Variants in SLC24A2 observed in about 807,000 individuals in gnomAD.
The protein encoded by SLC24A2 is sodium/potassium/calcium exchanger 2.
A neutral mutation model predicts 62.0 loss-of-function variants in SLC24A2; 36 were observed. The observed-to-expected ratio is 0.58, with a 90% CI of 0.44 to 0.77. The LOEUF (loss-of-function observed/expected upper bound fraction) is 0.77. Among genes scored for constraint, SLC24A2 ranks in the 30% least tolerant of loss-of-function variants. The pLI is 0.00. For missense variants in SLC24A2, 846 were observed against 817.9 expected (o/e 1.03, Z -0.42); for synonymous variants, 358 against 294.0 (o/e 1.22, Z -2.23).
the SLC24A2 span, among the ~76,000 whole-genome samples, chr9:19,868,127 T>C: frequency 1.7e-3 from 256 of 152,158 alleles, 4 homozygotes; most frequent in African/African-American, 5.9e-3. Flanking sequence ...CTTAAAACAG[T>C]AACTTCTCTC....
At chr9:19,553,431 CT>C (rs896112355) in intron 7 of SLC24A2, among the ~76,000 whole-genome samples, 2 of 152,114 alleles carry the variant, frequency 1.3e-5, no homozygotes, top group African/African-American at 4.8e-5. Flanking sequence ...ATTCAAATGG[CT>C]TTTGATATGA....
chr9:19,748,633 T>C (rs1821899435), intron 2 of SLC24A2, among the ~76,000 whole-genome samples: 1 of 152,112 alleles, frequency 6.6e-6, no homozygotes, highest in Non-Finnish European at 1.5e-5. Context: ...TCCCTTCATC[T>C]AGGCAGCCTA....
chr9:19,585,109 T>C (rs1242865075), intron 5 of SLC24A2, among the ~76,000 whole-genome samples: 4 of 152,188 alleles, frequency 2.6e-5, no homozygotes, highest in Non-Finnish European at 5.9e-5. Flanking sequence ...AATTTCCTTA[T>C]TAAGAACTTT....
chr9:19,905,454 G>A, the SLC24A2 span, among the ~76,000 whole-genome samples: 16 of 150,650 alleles, frequency 1.1e-4, no homozygotes, highest in African/African-American at 3.9e-4. Context: ...TGTTGCCTAG[G>A]CTGGAGTGCA....
At chr9:19,981,453 A>G in the SLC24A2 span, among the ~76,000 whole-genome samples, 18 of 152,322 alleles carry the variant, frequency 1.2e-4, no homozygotes, top group South Asian at 1.7e-3. Context: ...ACAATGGTCA[A>G]TTCTGTGTGT....
At chr9:20,292,982 C>A in the SLC24A2 span, among the ~76,000 whole-genome samples, 1 of 152,206 alleles carries the variant, frequency 6.6e-6, no homozygotes, top group Non-Finnish European at 1.5e-5. Context: ...ACCTTCCTTG[C>A]CTCTTCCCAG....
chr9:19,824,110 G>A, the SLC24A2 span, among the ~76,000 whole-genome samples: 4 of 152,106 alleles, frequency 2.6e-5, no homozygotes, highest in African/African-American at 7.2e-5. Context: ...ACATAGGCAC[G>A]GACAAGGACT....
At chr9:19,885,979 C>T in the SLC24A2 span, among the ~76,000 whole-genome samples, 1 of 152,112 alleles carries the variant, frequency 6.6e-6, no homozygotes, top group African/African-American at 2.4e-5. Context: ...GTACCACATT[C>T]TCTTCAGCCA....
the SLC24A2 span, among the ~76,000 whole-genome samples, chr9:19,805,760 CT>C: frequency 1.3e-3 from 177 of 140,308 alleles, no homozygotes; most frequent in South Asian, 3.8e-3. Context: ...GAGCTTGATA[CT>C]TTTTTTTTTT....
the SLC24A2 span, among the ~76,000 whole-genome samples, chr9:20,266,553 G>T: frequency 1.4e-4 from 21 of 149,644 alleles, no homozygotes; most frequent in Admixed American, 3.3e-4. Flanking sequence ...TTTTTTTTTT[G>T]GCACATCTGC....
the SLC24A2 span, among the ~76,000 whole-genome samples, chr9:20,017,421 TA>T: frequency 2.6e-5 from 4 of 152,198 alleles, no homozygotes; most frequent in Admixed American, 6.5e-5. Flanking sequence ...CATATATTAT[TA>T]AGTTTAACAA....
chr9:19,950,034 A>G, the SLC24A2 span, among the ~76,000 whole-genome samples: 4 of 152,190 alleles, frequency 2.6e-5, no homozygotes, highest in Non-Finnish European at 5.9e-5. Context: ...GACAATTCAT[A>G]TGCACATTGG....
the SLC24A2 span, among the ~76,000 whole-genome samples, chr9:20,290,281 G>A: frequency 7.2e-5 from 11 of 152,348 alleles, no homozygotes; most frequent in East Asian, 1.4e-3. Flanking sequence ...TCTGACAGGC[G>A]TGTTAAATGT....
In SLC24A2 at chr9:19,508,009, A is replaced by T. The variant is rs1250820697; in HGVS notation, c.*8144T>A. ...ACAACATTTTCTTTGTTTTAACCGT[A>T]TCTGAAGAACAAAAGTATAATTTCT... is the stretch of plus-strand genomic sequence containing the variant. On this transcript the variant is annotated 3_prime_UTR_variant, in exon 11 of 11. Coordinates refer to ENST00000341998, the MANE Select transcript of SLC24A2 (RefSeq NM_020344.4). 6.6e-6 allele frequency: 1 copy of T among 152,224 alleles called. No individual in the cohort carries two copies. The highest frequency in any genetic ancestry group is 2.4e-5 in the African/African-American group (1 of 41,476). The allele number at this position is 152,224 out of a possible 1,614,324, so 9.4% of individuals were successfully genotyped here.
chr9:19,686,528 C>T lies in SLC24A2; in HGVS notation c.931-64229G>A, dbSNP rs187095211. On this transcript the variant is annotated intron_variant, in intron 2 of 10. Coordinates refer to ENST00000341998, the MANE Select transcript of SLC24A2 (RefSeq NM_020344.4). ...TAGTTTCCATAATCTCCACGTCTTG[C>T]GGGAGGGAGCCCATGGGAGGTAATT... 1.2e-4 allele frequency among the ~76,000 whole-genome samples: 19 copies of T among 152,198 alleles called. 1 individual carries two copies. In the East Asian group the frequency reaches 2.7e-3, roughly 22 times the overall value.
chr9:19,872,404 C>T, the SLC24A2 span, among the ~76,000 whole-genome samples: 4 of 152,194 alleles, frequency 2.6e-5, no homozygotes, highest in East Asian at 3.9e-4. Context: ...CAGGTGCCAG[C>T]ACACAGATAC....
chr9:20,083,617 C>G, the SLC24A2 span, among the ~76,000 whole-genome samples: 12 of 152,316 alleles, frequency 7.9e-5, no homozygotes, highest in African/African-American at 2.6e-4. Context: ...TTTTAAATAC[C>G]ATTTAGTAGC....
chr9:20,019,973 C>T, the SLC24A2 span, among the ~76,000 whole-genome samples: 144 of 151,874 alleles, frequency 9.5e-4, no homozygotes, highest in African/African-American at 3.4e-3. Context: ...TGGAAAGAGG[C>T]TCATCATCAC....
chr9:20,001,245 A>G, the SLC24A2 span, among the ~76,000 whole-genome samples: 1 of 152,174 alleles, frequency 6.6e-6, no homozygotes, highest in Non-Finnish European at 1.5e-5. Context: ...GGGAGTGTGC[A>G]TCCACCTTCC....
Sources: gnomAD v4.1 joint callset for allele counts (sites outside exome capture counted in the v4.1 genomes callset) on GRCh38, gnomAD v4.1.1 for gene constraint, MANE v1.5 for transcripts, NCBI Gene and HGNC (gene_info 2026-07-23, HGNC 2026-07-21) for gene names.